KMT5B: variants seen among roughly 807,000 people sequenced by gnomAD.
KMT5B encodes the protein histone-lysine N-methyltransferase KMT5B.
Under a neutral mutation model 83.2 loss-of-function variants are expected in KMT5B, and 10 were observed. The ratio of observed to expected loss-of-function variants is 0.12; its 90% confidence interval spans 0.07 to 0.20. KMT5B has a LOEUF of 0.20. Among genes scored for constraint, KMT5B ranks in the 10% least tolerant of loss-of-function variants. The pLI, the probability that KMT5B is intolerant of heterozygous loss-of-function variation, is 1.00. For missense variants in KMT5B, 753 were observed against 1,067.2 expected, an observed-to-expected ratio of 0.71 and a Z score of 4.10; for synonymous variants, 349 against 388.8, an observed-to-expected ratio of 0.90 and a Z score of 1.20.
intron 1 of KMT5B, among the ~76,000 whole-genome samples, chr11:68,191,478 C>T (rs1385455279): frequency 6.6e-6 from 1 of 151,958 alleles, no homozygotes; most frequent in East Asian, 1.9e-4. Flanking sequence ...GGATTACAGG[C>T]GTGCACCACC....
chr11:68,156,857 G>A lies in KMT5B; in HGVS notation c.*831C>T, dbSNP rs981078396. On this transcript the variant is annotated 3_prime_UTR_variant, in exon 11 of 11. Coordinates refer to ENST00000304363, the MANE Select transcript of KMT5B (RefSeq NM_017635.5). ...CTTGAAGAACCAAATTAAGATAGCT[G>A]TAGTTCATTAGATAAATGTTGCTTG... is the stretch of plus-strand genomic sequence containing the variant. The A allele has an allele frequency of 6.6e-6, 1 of 152,554 alleles. No homozygotes were observed. The highest frequency in any genetic ancestry group is 2.4e-5 in the African/African-American group (1 of 41,420). 9.5% of individuals were successfully genotyped at this position (152,554 alleles called of 1,614,324 possible).
At chr11:68,192,556 A>C (rs1277271568) in intron 1 of KMT5B, among the ~76,000 whole-genome samples, 1 of 152,216 alleles carries the variant, frequency 6.6e-6, no homozygotes, top group Non-Finnish European at 1.5e-5. Context: ...CTATCTGCTC[A>C]AACTACATGT....
intron 1 of KMT5B, among the ~76,000 whole-genome samples, chr11:68,208,223 A>G (rs915915416): frequency 6.7e-6 from 1 of 150,066 alleles, no homozygotes; most frequent in Admixed American, 6.6e-5. Context: ...CCGAGGCGGG[A>G]GGGTCACGAG....
At chr11:68,203,586 T>C (rs1859715797) in intron 1 of KMT5B, among the ~76,000 whole-genome samples, 1 of 152,222 alleles carries the variant, frequency 6.6e-6, no homozygotes, top group Non-Finnish European at 1.5e-5. Flanking sequence ...GTGACCAATA[T>C]TCCATCATAA....
chr11:68,171,635 A>C lies in KMT5B; in HGVS notation c.728T>G (p.Leu243Arg). ...ACTGAAGTCGTTTTCTCCATGTCTA[A>C]GTAGCATGTTCTCCTCAATTTCTGA... ...ELSEIEENML[L>R]RHGENDFSVM... is the part of the protein sequence containing the mutation. The change falls in exon 7 of 11, where the codon CTT becomes CGT. Residue 243 changes from leucine to arginine, a missense_variant. Coordinates refer to ENST00000304363, the MANE Select transcript of KMT5B (RefSeq NM_017635.5). The surrounding 1 kb of genome is among the most constrained non-coding windows in gnomAD (Gnocchi z 5.1). 6.2e-7 allele frequency: 1 copy of C among 1,614,058 alleles called. No individual in the cohort carries two copies. Among genetic ancestry groups the C allele is most frequent in the Non-Finnish European group, 8.5e-7 (1 of 1,179,902 alleles).
intron 1 of KMT5B, among the ~76,000 whole-genome samples, chr11:68,205,433 C>T (rs1859973235): frequency 6.6e-6 from 1 of 152,142 alleles, no homozygotes; most frequent in Non-Finnish European, 1.5e-5. Flanking sequence ...TTAATTACAC[C>T]TCTGATTACT....
intron 2 of KMT5B, among the ~76,000 whole-genome samples, chr11:68,188,265 C>T (rs1857646728): frequency 6.6e-6 from 1 of 152,016 alleles, no homozygotes; most frequent in Non-Finnish European, 1.5e-5. Context: ...ACCTCATGAT[C>T]CACCCACCTC....
intron 1 of KMT5B, among the ~76,000 whole-genome samples, chr11:68,195,298 G>GT (rs1355182900): frequency 6.6e-6 from 1 of 152,236 alleles, no homozygotes; most frequent in Non-Finnish European, 1.5e-5. Context: ...TTACTAGGCA[G>GT]TTGGTAACCA....
intron 10 of KMT5B, 84 bp from the exon 11 acceptor site, chr11:68,159,255 A>T: frequency 6.7e-7 from 1 of 1,487,904 alleles, no homozygotes; most frequent in Non-Finnish European, 8.8e-7. Flanking sequence ...GCTATTAGCT[A>T]CAGCACGTTT....
chr11:68,168,370 G>A (rs1855520386), intron 9 of KMT5B, among the ~76,000 whole-genome samples: 1 of 143,440 alleles, frequency 7.0e-6, no homozygotes, highest in South Asian at 2.2e-4. Context: ...CAGTCTTGCT[G>A]TGTCACCCAA....
intron 1 of KMT5B, among the ~76,000 whole-genome samples, chr11:68,201,180 C>T (rs73509384): frequency 0.017 from 2,571 of 152,272 alleles, 73 homozygotes; most frequent in African/African-American, 0.058. Flanking sequence ...GCGCGACACC[C>T]ACCACCACCA....
chr11:68,175,706 A>T (rs1453324207), intron 4 of KMT5B, among the ~76,000 whole-genome samples: 2 of 152,208 alleles, frequency 1.3e-5, no homozygotes, highest in Non-Finnish European at 2.9e-5. Flanking sequence ...ACCATGCCAT[A>T]CACAAAAACA....
chr11:68,197,911 G>C (rs1331162092), intron 1 of KMT5B, among the ~76,000 whole-genome samples: 1 of 152,110 alleles, frequency 6.6e-6, no homozygotes, highest in African/African-American at 2.4e-5. Flanking sequence ...TCAATAATTT[G>C]GGGGCTATTT....
intron 1 of KMT5B, among the ~76,000 whole-genome samples, chr11:68,192,769 TTTG>T (rs1271072482): frequency 2.0e-5 from 3 of 152,182 alleles, no homozygotes; most frequent in East Asian, 1.9e-4. Context: ...TTCATATCTC[TTTG>T]TTGTTGTTAG....
intron 3 of KMT5B, among the ~76,000 whole-genome samples, chr11:68,183,191 T>C (rs1222111680): frequency 6.6e-6 from 1 of 151,014 alleles, no homozygotes; most frequent in Admixed American, 6.6e-5. Context: ...GAGTGATTCA[T>C]TCACACATTC....
intron 1 of KMT5B, among the ~76,000 whole-genome samples, chr11:68,209,353 C>T (rs1396310698): frequency 6.6e-6 from 1 of 152,156 alleles, no homozygotes. Context: ...CGTATGAGAG[C>T]TTCTACTTTC....
At chr11:68,206,354 A>G (rs1307005529) in intron 1 of KMT5B, among the ~76,000 whole-genome samples, 1 of 152,234 alleles carries the variant, frequency 6.6e-6, no homozygotes, top group Non-Finnish European at 1.5e-5. Flanking sequence ...TACAGCCCAC[A>G]GTTTCTGTCA....
chr11:68,207,539 T>C (rs954932785), intron 1 of KMT5B, among the ~76,000 whole-genome samples: 20 of 152,008 alleles, frequency 1.3e-4, no homozygotes, highest in African/African-American at 4.6e-4. Flanking sequence ...ACGCCTGTAA[T>C]CCCAGCACTT....
chr11:68,158,079 T>C lies in KMT5B; in HGVS notation c.2267A>G (p.Asn756Ser), dbSNP rs144458991. ...KLSKDHDNDN[N>S]LYVAKLNNGF... ...ATTATTAAGCTTTGCTACATAGAGATTGTTATCGTTGTCATGGTCTTTGCT... is the reference window on the plus strand; with the variant it reads ...ATTATTAAGCTTTGCTACATAGAGACTGTTATCGTTGTCATGGTCTTTGCT... The change falls in exon 11 of 11, where the codon AAT becomes AGT. Residue 756 changes from asparagine to serine, a missense_variant. Around this residue, in one of 9 missense-constraint regions of KMT5B, gnomAD observed 161 missense variants for 195.1 expected, o/e 0.83. Coordinates refer to ENST00000304363, the MANE Select transcript of KMT5B (RefSeq NM_017635.5). 6,594 of 1,614,216 alleles carry C rather than the reference T, an allele frequency of 4.1e-3. 16 individuals are homozygous for C. The highest frequency in any genetic ancestry group is 4.8e-3 in the Non-Finnish European group (5,684 of 1,180,038).
Sources: gnomAD v4.1 joint callset for allele counts (sites outside exome capture counted in the v4.1 genomes callset) on GRCh38, gnomAD v4.1.1 for gene constraint, gnomAD v4.1.1 regional missense constraint, Gnocchi (gnomAD v3.1) non-coding constraint, MANE v1.5 for transcripts, NCBI Gene and HGNC (gene_info 2026-07-23, HGNC 2026-07-21) for gene names.